RTEL1: variants seen among roughly 807,000 people sequenced by gnomAD.
The protein encoded by RTEL1 is regulator of telomere elongation helicase 1.
In RTEL1, 86 loss-of-function variants were observed where a neutral mutation model predicts 162.2. The ratio of observed to expected loss-of-function variants is 0.53; its 90% CI spans 0.45 to 0.63. The LOEUF is 0.63. Among genes scored for constraint, RTEL1 ranks in the 30% least tolerant of loss-of-function variants. RTEL1 has a pLI of 0.00. For missense variants in RTEL1, 1,941 were observed against 1,750.2 expected, an observed-to-expected ratio of 1.11 and a Z score of -1.95; for synonymous variants, 958 against 717.9, an observed-to-expected ratio of 1.33 and a Z score of -5.35.
rs1163970988 is a variant in RTEL1 at position 63,690,811 on chromosome 20, C to G, written c.2420C>G (p.Pro807Arg). The stretch of plus-strand genomic sequence containing the variant: ...CACTCGGGTGCCCCTGCAGGGTCAC[C>G]AGCTGCCGGGGACCCCGAGAGTAGC... ...PSLKQRSSGSPAAGDPESSLC... is the reference protein window; with the variant it reads ...PSLKQRSSGSRAAGDPESSLC... The change falls in exon 27 of 35, where the codon CCA (proline) becomes CGA (arginine). Residue 807 changes from proline to arginine, a missense_variant. Transcript: ENST00000360203. 3 of 1,603,076 alleles carry G rather than the reference C, an allele frequency of 1.9e-6. No individual in the cohort carries two copies. Among genetic ancestry groups the G allele is most frequent in the Non-Finnish European group, 2.5e-6 (3 of 1,176,824 alleles).
intron 6 of RTEL1, among the ~76,000 whole-genome samples, chr20:63,664,170 C>T (rs994058217): frequency 6.6e-6 from 1 of 152,176 alleles, no homozygotes; most frequent in Non-Finnish European, 1.5e-5. Context: ...GCTGCCGGCT[C>T]GTCCCGGTGA....
At chr20:63,672,184 G>T (rs549461767) in intron 8 of RTEL1, among the ~76,000 whole-genome samples, 1 of 152,248 alleles carries the variant, frequency 6.6e-6, no homozygotes, top group Admixed American at 6.5e-5. Context: ...GCCTGGCTGG[G>T]AGTTGGGTTT....
intron 8 of RTEL1, 55 bp downstream of exon 8, chr20:63,667,608 CTTGGG>C: frequency 1.4e-6 from 2 of 1,422,862 alleles, no homozygotes; most frequent in Non-Finnish European, 2.0e-6. Context: ...TGTCCCTGGG[CTTGGG>C]AACAGCTGTC....
Position 63,693,261 on chromosome 20 carries a change from A to T in RTEL1, c.2970A>T (p.Ala990=). Reference sequence around the variant, plus strand: ...ACAGCATTCCCCGAAGGCAGCGGGCACAGCCGGTCCTGGACCCCACTGGTA... The same window carrying T: ...ACAGCATTCCCCGAAGGCAGCGGGCTCAGCCGGTCCTGGACCCCACTGGTA... ...PEHSIPRRQR[A]QPVLDPTGRT... Residue 990 remains alanine (A), a synonymous_variant, in exon 30 of 35, where the codon GCA becomes GCT. Transcript: ENST00000360203. The T allele has an allele frequency of 6.2e-7, 1 of 1,611,916 alleles. No homozygotes were observed. The highest frequency in any genetic ancestry group is 8.5e-7 in the Non-Finnish European group (1 of 1,179,432).
At chr20:63,690,659 G>A in intron 26 of RTEL1, 146 bp from the exon 27 acceptor site, 2 of 1,059,276 alleles carry the variant, frequency 1.9e-6, no homozygotes, top group Non-Finnish European at 2.7e-6. Flanking sequence ...GCCCCCCGAG[G>A]CTGAGACTCC....
chr20:63,689,158 T>C lies in RTEL1; in HGVS notation c.1878+26T>C, dbSNP rs1367677156. 2 of 1,600,932 alleles carry C rather than the reference T, an allele frequency of 1.2e-6. 1 individual carries two copies. The highest frequency in any genetic ancestry group is 1.7e-6 in the Non-Finnish European group (2 of 1,176,358). ...GTGAGCTCTCCAGGGCCCTCTGCCC[T>C]GACCTGGTTGCCTGTTCCCTGGTGG... is the stretch of plus-strand genomic sequence containing the variant. On this transcript the variant is annotated intron_variant, in intron 22 of 34. Transcript: ENST00000360203.
At chr20:63,692,669 C>T in intron 28 of RTEL1, 136 bp from the exon 29 acceptor site, 1 of 830,138 alleles carries the variant, frequency 1.2e-6, no homozygotes, top group East Asian at 2.7e-5. Context: ...ATCCAGCCAG[C>T]CAGTTTCTCA....
At position 63,682,006 on chromosome 20, in the gene RTEL1, G is replaced by T. The variant is rs1021227364; in HGVS notation, c.1191+1287G>T. The stretch of plus-strand genomic sequence containing the variant: ...GGACCTGCTTCCATGTCCCTGATGG[G>T]TCACTGCAAAGCACCTCCAGCACAT... On this transcript the variant is annotated intron_variant, in intron 14 of 34. Transcript: ENST00000360203. The T allele has an allele frequency of 7.1e-6, 7 of 985,316 alleles. No homozygotes were observed. In the South Asian group the frequency reaches 2.8e-4, roughly 40 times the overall value. The allele number at this position is 985,316 out of a possible 1,614,324, so 61.0% of individuals were successfully genotyped here.
At chr20:63,664,359 G>T (rs1028865375) in intron 6 of RTEL1, among the ~76,000 whole-genome samples, 1 of 152,214 alleles carries the variant, frequency 6.6e-6, no homozygotes, top group Non-Finnish European at 1.5e-5. Context: ...GCATGGGCCT[G>T]GCCGGCCGTG....
chr20:63,681,829 C>G, intron 14 of RTEL1: 1 of 985,404 alleles, frequency 1.0e-6, no homozygotes, highest in Non-Finnish European at 1.2e-6. Context: ...AAGGACAGCA[C>G]TGCCTTGTCC....
intron 14 of RTEL1, among the ~76,000 whole-genome samples, chr20:63,683,912 C>CT (rs1241297886): frequency 6.6e-6 from 1 of 151,850 alleles, no homozygotes; most frequent in East Asian, 1.9e-4. Context: ...TATTCTCTCT[C>CT]TAAGTTCTGA....
Position 63,694,895 on chromosome 20 carries a change from AGAC to A in RTEL1, c.3271_3273del (p.Asp1091del), listed in dbSNP as rs1568724567. On this transcript the variant is annotated inframe_deletion, in exon 32 of 35. Coordinates refer to ENST00000360203, the MANE Select transcript of RTEL1 (RefSeq NM_001283009.2). Reference sequence around the variant, plus strand: ...TGGCAGCGCTGACAGCCTATAAGCAAGACGACGACCTCGACAAGGTGCTGGCTG... The same window carrying A: ...TGGCAGCGCTGACAGCCTATAAGCAAGACGACCTCGACAAGGTGCTGGCTG... 2 of 1,612,638 alleles carry A rather than the reference AGAC, an allele frequency of 1.2e-6. No individual in the cohort carries two copies. Among genetic ancestry groups the A allele is most frequent in the South Asian group, 1.1e-5 (1 of 91,082 alleles).
At chr20:63,673,875 T>C in intron 9 of RTEL1, 65 bp from the exon 10 acceptor site, 1 of 1,525,144 alleles carries the variant, frequency 6.6e-7, no homozygotes, top group South Asian at 1.3e-5. Context: ...CCCACCCCAT[T>C]TCTGCTTTCT....
At chr20:63,695,043 G>T (rs759277779) in intron 32 of RTEL1, 23 bp from the exon 33 acceptor site, 1 of 1,610,426 alleles carries the variant, frequency 6.2e-7, no homozygotes, top group Non-Finnish European at 8.5e-7. Context: ...GGCTGTGCCG[G>T]GTCTGATTGA....
chr20:63,684,779 T>A (rs1423050407), intron 14 of RTEL1, among the ~76,000 whole-genome samples: 1 of 151,898 alleles, frequency 6.6e-6, no homozygotes, highest in Admixed American at 6.6e-5. Flanking sequence ...GGCCTCTTGT[T>A]CTTTTGAAAC....
At position 63,661,292 on chromosome 20, in the gene RTEL1, G is replaced by C. The variant is rs57695352; in HGVS notation, c.103-6G>C. The C allele has an allele frequency of 1.2e-6, 2 of 1,611,362 alleles. No individual in the cohort carries two copies. Among genetic ancestry groups the C allele is most frequent in the Non-Finnish European group, 1.7e-6 (2 of 1,179,760 alleles). On this transcript the variant is annotated splice_region_variant and splice_polypyrimidine_tract_variant and intron_variant, in intron 2 of 34. Coordinates refer to ENST00000360203, the MANE Select transcript of RTEL1 (RefSeq NM_001283009.2). The surrounding 1 kb of genome is among the most constrained non-coding windows in gnomAD (Gnocchi z 5.1). ...CCCCGTAACCCTTGCTCCGAACTCC[G>C]TTCAGAAGGTGAATGGCATCCTGGA... is the stretch of plus-strand genomic sequence containing the variant.
In RTEL1 at chr20:63,689,576, C is replaced by T. The variant is rs79210260; in HGVS notation, c.1953C>T (p.Arg651=). Residue 651 remains arginine, a synonymous_variant, in exon 23 of 35, where the codon CGC becomes CGT. Transcript: ENST00000360203. ...VIVTGLPYPP[R]MDPRVVLKMQ... ...TCACGGGCCTCCCGTACCCCCCACG[C>T]ATGGACCCCCGGGTTGTCCTCAAGA... is the stretch of plus-strand genomic sequence containing the variant. The T allele has an allele frequency of 4.2e-3, 6,720 of 1,612,290 alleles. 255 individuals carry two copies. The East Asian group carries it at 0.098, about 23-fold the overall frequency.
chr20:63,662,120 A>G (rs1669056382), intron 4 of RTEL1, among the ~76,000 whole-genome samples, 177 bp downstream of exon 4: 1 of 152,140 alleles, frequency 6.6e-6, no homozygotes, highest in African/African-American at 2.4e-5. Context: ...GCTGCCTCCA[A>G]TGCCCATTAC....
intron 10 of RTEL1, 27 bp downstream of exon 10, chr20:63,674,120 C>T: frequency 1.3e-6 from 2 of 1,585,894 alleles, no homozygotes; most frequent in Non-Finnish European, 1.7e-6. Flanking sequence ...ACTGCTTGGT[C>T]CTGAGGCCTG....
Sources: gnomAD v4.1 joint callset for allele counts (sites outside exome capture counted in the v4.1 genomes callset) on GRCh38, gnomAD v4.1.1 for gene constraint, Gnocchi (gnomAD v3.1) non-coding constraint, MANE v1.5 for transcripts, NCBI Gene and HGNC (gene_info 2026-07-23, HGNC 2026-07-21) for gene names.